Variants in WDR53 observed in about 807,000 individuals in gnomAD.
WDR53 encodes the protein WD repeat-containing protein 53.
Under a neutral mutation model 21.3 loss-of-function variants are expected in WDR53, and 19 were observed. That is an observed-to-expected ratio of 0.89 (90% confidence interval 0.62 to 1.31). The LOEUF (loss-of-function observed/expected upper bound fraction) is 1.31. Among genes scored for constraint, WDR53 ranks in the 50% most tolerant of loss-of-function variants. WDR53 has a pLI of 0.00. For missense variants in WDR53, 374 were observed against 423.2 expected, an observed-to-expected ratio of 0.88 and a Z score of 1.02; for synonymous variants, 157 against 163.4, an observed-to-expected ratio of 0.96 and a Z score of 0.30.
At chr3:196,560,124 T>TC (rs1468002938) in intron 3 of WDR53, among the ~76,000 whole-genome samples, 1 of 152,182 alleles carries the variant, frequency 6.6e-6, no homozygotes. Context: ...TTCCATTTTT[T>TC]CCCCTCATGA....
chr3:196,562,438 T>C (rs1454069179), intron 2 of WDR53, among the ~76,000 whole-genome samples: 2 of 152,150 alleles, frequency 1.3e-5, no homozygotes, highest in Non-Finnish European at 2.9e-5. Context: ...ATTTTTGTAT[T>C]TTTAGTAGAG....
At chr3:196,566,604 G>A (rs928965189) in intron 2 of WDR53, among the ~76,000 whole-genome samples, 1 of 151,404 alleles carries the variant, frequency 6.6e-6, no homozygotes, top group East Asian at 2.0e-4. Flanking sequence ...GGTAGAGATG[G>A]GGTTTCACCA....
chr3:196,559,316 AAGAT>A (rs1734609457), intron 3 of WDR53, among the ~76,000 whole-genome samples: 2 of 152,204 alleles, frequency 1.3e-5, no homozygotes, highest in African/African-American at 2.4e-5. Context: ...GTGGAAAAGG[AAGAT>A]AGAGGTTGTA....
chr3:196,567,750 CTTGT>C (rs1304438906), intron 1 of WDR53, among the ~76,000 whole-genome samples: 1 of 57,420 alleles, frequency 1.7e-5, no homozygotes, highest in Non-Finnish European at 3.4e-5. Flanking sequence ...TGCTGAAATT[CTTGT>C]GTGTGTGTGT....
intron 2 of WDR53, among the ~76,000 whole-genome samples, chr3:196,566,271 G>C (rs1268015723): frequency 1.3e-5 from 2 of 151,754 alleles, no homozygotes; most frequent in African/African-American, 4.8e-5. Flanking sequence ...CTTATTTTTT[G>C]TAGAGACAGG....
At chr3:196,564,122 G>C (rs184450120) in intron 2 of WDR53, among the ~76,000 whole-genome samples, 2 of 152,116 alleles carry the variant, frequency 1.3e-5, no homozygotes, top group Non-Finnish European at 2.9e-5. Context: ...ATGACTCAGA[G>C]GGAGGTAAAA....
intron 3 of WDR53, among the ~76,000 whole-genome samples, chr3:196,560,168 T>C (rs150609812): frequency 6.6e-6 from 1 of 152,290 alleles, no homozygotes; most frequent in East Asian, 1.9e-4. Flanking sequence ...GTTCTCTACA[T>C]AATGGGTTTC....
At chr3:196,566,395 T>A (rs1010825042) in intron 2 of WDR53, among the ~76,000 whole-genome samples, 9 of 150,590 alleles carry the variant, frequency 6.0e-5, no homozygotes, top group African/African-American at 2.2e-4. Flanking sequence ...GCCAGGTGAG[T>A]TATTTTGAGA....
At chr3:196,561,513 T>C (rs769592201) in intron 2 of WDR53, 22 bp from the exon 3 acceptor site, 1 of 1,565,552 alleles carries the variant, frequency 6.4e-7, no homozygotes, top group Non-Finnish European at 8.6e-7. Context: ...GGGAAACAAC[T>C]GTAATCTCAT....
intron 2 of WDR53, among the ~76,000 whole-genome samples, chr3:196,566,166 T>C (rs1735374727): frequency 6.6e-6 from 1 of 152,120 alleles, no homozygotes; most frequent in African/African-American, 2.4e-5. Flanking sequence ...CTCTGCTCAC[T>C]GCAACTTCCA....
At chr3:196,555,439 A>G (rs1047666824) in intron 3 of WDR53, among the ~76,000 whole-genome samples, 1 of 152,194 alleles carries the variant, frequency 6.6e-6, no homozygotes, top group Admixed American at 6.5e-5. Flanking sequence ...AATGGCTGAG[A>G]AAGAGGAGAA....
intron 3 of WDR53, among the ~76,000 whole-genome samples, chr3:196,555,933 G>A (rs1444041888): frequency 6.6e-6 from 1 of 152,018 alleles, no homozygotes; most frequent in Non-Finnish European, 1.5e-5. Context: ...TATACTATGT[G>A]ACTAACAATC....
intron 3 of WDR53, among the ~76,000 whole-genome samples, chr3:196,559,699 T>C (rs993878346): frequency 1.3e-5 from 2 of 152,112 alleles, no homozygotes; most frequent in African/African-American, 4.8e-5. Flanking sequence ...TTCACAATGG[T>C]TCTCTCTCTA....
At chr3:196,556,676 T>C (rs78323235) in intron 3 of WDR53, among the ~76,000 whole-genome samples, 2 of 139,194 alleles carry the variant, frequency 1.4e-5, no homozygotes, top group South Asian at 2.3e-4. Context: ...AAAAAGAAAA[T>C]ACACACACAC....
At chr3:196,565,546 TGA>T (rs1735300044) in intron 2 of WDR53, among the ~76,000 whole-genome samples, 1 of 124,648 alleles carries the variant, frequency 8.0e-6, no homozygotes. Context: ...CCAGCCTGGG[TGA>T]GAGTCGGGGT....
chr3:196,554,623 C>A lies in WDR53; in HGVS notation c.665G>T (p.Arg222Leu), dbSNP rs200667726. Reference sequence around the variant, plus strand: ...CTTAACTCCCATCACCCGAAAGATTCGAACCTTACCATCTTCTGCACCACA... The same window carrying A: ...CTTAACTCCCATCACCCGAAAGATTAGAACCTTACCATCTTCTGCACCACA... ...FSCGAEDGKV[R>L]IFRVMGVKCE... Residue 222 changes from arginine (R) to leucine (L), a missense_variant, in exon 4 of 4, where the codon CGA becomes CTA. Physicochemically the swap from Arg to Leu is moderately radical, Grantham distance 102 (BLOSUM62 -2). Transcript: ENST00000332629. The A allele has an allele frequency of 6.2e-7, 1 of 1,614,118 alleles. No homozygotes were observed. Among genetic ancestry groups the A allele is most frequent in the Admixed American group, 1.7e-5 (1 of 60,008 alleles).
chr3:196,560,943 T>A, intron 3 of WDR53, 53 bp downstream of exon 3: 1 of 1,548,772 alleles, frequency 6.5e-7, no homozygotes, highest in Non-Finnish European at 8.7e-7. Context: ...AATTTGATCC[T>A]GTTAGCAAAT....
In WDR53 at chr3:196,554,367, T is replaced by C. The variant is rs767917601; in HGVS notation, c.921A>G (p.Thr307=). The C allele has an allele frequency of 2.9e-5, 47 of 1,614,124 alleles. No homozygotes were observed. The highest frequency in any genetic ancestry group is 3.7e-5 in the Non-Finnish European group (44 of 1,180,044). The change falls in exon 4 of 4, where the codon ACA becomes ACG. Residue 307 remains threonine, a synonymous_variant. Coordinates refer to ENST00000332629, the MANE Select transcript of WDR53 (RefSeq NM_182627.3). Reference sequence around the variant, plus strand: ...AAATGTTGCCATGTTCTTCCTCATCTGTTACTGAAGCGTTAGTATTTCCAC... The same window carrying C: ...AAATGTTGCCATGTTCTTCCTCATCCGTTACTGAAGCGTTAGTATTTCCAC... ...KQGGNTNASV[T]DEEEHGNILP...
chr3:196,558,991 T>C (rs1467193295), intron 3 of WDR53, among the ~76,000 whole-genome samples: 1 of 152,232 alleles, frequency 6.6e-6, no homozygotes, highest in African/African-American at 2.4e-5. Flanking sequence ...TGCCTGCCAC[T>C]AAAACGTCTT....
Sources: gnomAD v4.1 joint callset for allele counts (sites outside exome capture counted in the v4.1 genomes callset) on GRCh38, gnomAD v4.1.1 for gene constraint, MANE v1.5 for transcripts, NCBI Gene and HGNC (gene_info 2026-07-23, HGNC 2026-07-21) for gene names.